PDE10A: variants seen among roughly 807,000 people sequenced by gnomAD.
The protein encoded by PDE10A is cAMP and cAMP-inhibited cGMP 3',5'-cyclic phosphodiesterase 10A.
In PDE10A, 39 loss-of-function variants were observed where a neutral mutation model predicts 97.7. The observed-to-expected ratio is 0.40, with a 90% CI of 0.31 to 0.52. The LOEUF is 0.52. Among genes scored for constraint, PDE10A ranks in the 20% least tolerant of loss-of-function variants. The probability of loss-of-function intolerance (pLI) is 0.56; values close to 1 mark genes in which losing one functional copy is unlikely to be tolerated. For synonymous variants in PDE10A, 371 were observed against 376.8 expected (o/e 0.98, Z 0.18); for missense variants, 731 against 1,047.8 (o/e 0.70, Z 4.17).
At chr6:165,372,926 A>T (rs9459398) in intron 18 of PDE10A, among the ~76,000 whole-genome samples, 26 of 149,022 alleles carry the variant, frequency 1.7e-4, no homozygotes, top group African/African-American at 6.5e-4. Context: ...ATAACGCTGC[A>T]TATCTACAAC....
chr6:165,715,633 C>T (rs972619266), intron 1 of PDE10A, among the ~76,000 whole-genome samples: 5 of 152,170 alleles, frequency 3.3e-5, no homozygotes, highest in African/African-American at 7.2e-5. Context: ...CGTGAACACA[C>T]GTGCGCACAC....
rs192828072 is a variant in PDE10A, at chr6:165,800,232, G to C, written c.-615+187297C>G. ...AGCCCTGAACAACAGCAGGAAAAAA[G>C]AGAGCTTAGGTGTTCTTTTCATGAT... On this transcript the variant is annotated intron_variant, in intron 1 of 19. Coordinates refer to the PDE10A transcript ENST00000366882. Among the ~76,000 whole-genome samples the C allele has an allele frequency of 7.2e-4, 110 of 152,334 alleles. 2 individuals are homozygous for C. The East Asian group carries it at 0.013, about 18-fold the overall frequency.
intron 1 of PDE10A, among the ~76,000 whole-genome samples, chr6:165,621,242 A>G (rs1788116311): frequency 7.1e-6 from 1 of 141,760 alleles, no homozygotes; most frequent in Non-Finnish European, 1.5e-5. Flanking sequence ...ACATTTATAG[A>G]ACTAAAAAAA....
intron 1 of PDE10A, among the ~76,000 whole-genome samples, chr6:165,720,643 G>A (rs1387981072): frequency 1.3e-5 from 2 of 152,194 alleles, no homozygotes; most frequent in African/African-American, 2.4e-5. Flanking sequence ...AGCACCCATC[G>A]ATCTACCGCC....
At chr6:165,773,008 T>A (rs1562729192) in intron 1 of PDE10A, among the ~76,000 whole-genome samples, 1 of 152,236 alleles carries the variant, frequency 6.6e-6, no homozygotes, top group South Asian at 2.1e-4. Context: ...GAATTATTTT[T>A]AAAAAATAGA....
chr6:165,585,235 T>G (rs1785838339), intron 1 of PDE10A, among the ~76,000 whole-genome samples: 1 of 152,200 alleles, frequency 6.6e-6, no homozygotes, highest in South Asian at 2.1e-4. Context: ...AATATGACTT[T>G]ATGGGTGTCT....
intron 1 of PDE10A, among the ~76,000 whole-genome samples, chr6:165,963,722 C>T (rs1469248129): frequency 6.6e-6 from 1 of 152,274 alleles, no homozygotes; most frequent in Non-Finnish European, 1.5e-5. Flanking sequence ...TCCTTCCTCT[C>T]TTGACCCCAC....
intron 1 of PDE10A, among the ~76,000 whole-genome samples, chr6:165,936,749 G>A (rs547115626): frequency 6.6e-6 from 1 of 152,286 alleles, no homozygotes; most frequent in African/African-American, 2.4e-5. Flanking sequence ...CAAAAGAAAG[G>A]CAGCCAACGT....
chr6:165,946,243 T>C (rs1368959178), intron 1 of PDE10A, among the ~76,000 whole-genome samples: 1 of 152,202 alleles, frequency 6.6e-6, no homozygotes, highest in Non-Finnish European at 1.5e-5. Context: ...ATGCCTGTAA[T>C]CCCAGCACTT....
chr6:165,906,026 T>A (rs1782263260), intron 1 of PDE10A, among the ~76,000 whole-genome samples: 1 of 3,110 alleles, frequency 3.2e-4, no homozygotes, highest in Non-Finnish European at 5.0e-4. Context: ...CCTCCCTCCC[T>A]TCCTTCCTTC....
chr6:165,492,789 A>T (rs973890232), intron 2 of PDE10A, among the ~76,000 whole-genome samples: 3 of 152,188 alleles, frequency 2.0e-5, no homozygotes, highest in South Asian at 4.1e-4. Context: ...CAAGACAAGG[A>T]TGCCCACTTT....
chr6:165,719,728 G>A (rs1327382610), intron 1 of PDE10A, among the ~76,000 whole-genome samples: 2 of 152,202 alleles, frequency 1.3e-5, no homozygotes, highest in Non-Finnish European at 2.9e-5. Context: ...AATACGGTTG[G>A]AAACTCTACT....
intron 13 of PDE10A, among the ~76,000 whole-genome samples, chr6:165,408,961 C>T (rs1351727589): frequency 1.4e-5 from 2 of 147,646 alleles, no homozygotes. Flanking sequence ...GTCAGGAGAT[C>T]GAGACCACCC....
intron 1 of PDE10A, among the ~76,000 whole-genome samples, chr6:165,857,737 GAA>G (rs1780787759): frequency 1.3e-5 from 1 of 74,816 alleles, no homozygotes; most frequent in Non-Finnish European, 2.8e-5. Flanking sequence ...GTGTGTGTGT[GAA>G]GAATGATTGT....
intron 1 of PDE10A, among the ~76,000 whole-genome samples, chr6:165,795,597 C>A (rs533231839): frequency 8.6e-5 from 13 of 151,990 alleles, no homozygotes; most frequent in East Asian, 3.9e-4. Flanking sequence ...AACAAACAAA[C>A]AAAAAAACCA....
intron 1 of PDE10A, among the ~76,000 whole-genome samples, chr6:165,731,544 G>C (rs1792437637): frequency 6.6e-6 from 1 of 152,160 alleles, no homozygotes; most frequent in African/African-American, 2.4e-5. Flanking sequence ...GAAGAGTGAG[G>C]AAGGGGCAGC....
chr6:165,463,370 T>G (rs1778439866), intron 3 of PDE10A, among the ~76,000 whole-genome samples: 1 of 152,172 alleles, frequency 6.6e-6, no homozygotes, highest in African/African-American at 2.4e-5. Flanking sequence ...TACAAACTGG[T>G]TTTTGGATAC....
intron 1 of PDE10A, among the ~76,000 whole-genome samples, chr6:165,855,151 C>A (rs1780693045): frequency 6.6e-6 from 1 of 152,146 alleles, no homozygotes; most frequent in South Asian, 2.1e-4. Context: ...CCCGCCCAGA[C>A]CCTTTCCCGC....
rs368461914 is a variant in PDE10A at position 165,568,075 on chromosome 6, T to G, written c.866-24507A>C. Among the ~76,000 whole-genome samples the G allele has an allele frequency of 8.2e-3, 1,155 of 141,686 alleles. 13 individuals carry two copies. Among genetic ancestry groups the G allele is most frequent in the African/African-American group, 0.028 (1,087 of 39,418 alleles). 93.0% of individuals were successfully genotyped at this position (141,686 alleles called of 152,430 possible). On this transcript the variant is annotated intron_variant, in intron 1 of 21. Coordinates refer to ENST00000539869, the MANE Select transcript of PDE10A (RefSeq NM_001385079.1). ...GTGCAGTGGCACAATCTTGGCTCAC[T>G]GCAAGCTCCGCCTCCTGGGTTCACG... is the stretch of plus-strand genomic sequence containing the variant.
Sources: allele counts gnomAD v4.1 joint callset (sites outside exome capture counted in the v4.1 genomes callset), GRCh38; gene constraint gnomAD v4.1.1; transcripts MANE v1.5; gene names NCBI Gene and HGNC (gene_info 2026-07-23, HGNC 2026-07-21).